The following MACROH2A1 variants were observed in gnomAD, a reference collection of about 807,000 sequenced individuals.
MACROH2A1 encodes the protein core histone macro-H2A.1.
MACROH2A1 carries 2 observed loss-of-function variants against 31.6 expected under a neutral mutation model. The observed-to-expected ratio is 0.06, with a 90% confidence interval of 0.03 to 0.20. The LOEUF (loss-of-function observed/expected upper bound fraction) is 0.20. Ranked by LOEUF, MACROH2A1 falls within the 10% of genes least tolerant of loss-of-function variation. The pLI is 1.00. For synonymous variants in MACROH2A1, 169 were observed against 189.6 expected (o/e 0.89, Z 0.89); for missense variants, 230 against 474.0 (o/e 0.49, Z 4.78).
chr5:135,366,119 C>G (rs1235234487), intron 4 of MACROH2A1, among the ~76,000 whole-genome samples: 1 of 152,186 alleles, frequency 6.6e-6, no homozygotes, highest in African/African-American at 2.4e-5. Context: ...TGAAGAGGTG[C>G]CTTTTGCCAT....
chr5:135,337,770 G>A (rs1168325572), intron 8 of MACROH2A1, among the ~76,000 whole-genome samples: 3 of 152,210 alleles, frequency 2.0e-5, no homozygotes, highest in Non-Finnish European at 2.9e-5. Flanking sequence ...TTTTAGACTT[G>A]CAGTGCCCAC....
At chr5:135,392,147 C>T (rs1197181255) in intron 1 of MACROH2A1, among the ~76,000 whole-genome samples, 2 of 152,224 alleles carry the variant, frequency 1.3e-5, no homozygotes, top group African/African-American at 4.8e-5. Context: ...CACAGCCTCC[C>T]TCTGCCATGG....
In MACROH2A1 at chr5:135,338,106, C is replaced by T. The variant is rs1759114374; in HGVS notation, c.954-2965G>A. The T allele has an allele frequency of 6.7e-6, 4 of 598,806 alleles. No individual in the cohort carries two copies. In the South Asian group the frequency reaches 1.5e-4, roughly 22 times the overall value. The allele number at this position is 598,806 out of a possible 1,614,324, so 37.1% of individuals were successfully genotyped here. On this transcript the variant is annotated intron_variant, in intron 8 of 8. Coordinates refer to ENST00000511689, the MANE Select transcript of MACROH2A1 (RefSeq NM_138610.3). ...CAAAATGGAATGTGTAGGTGGATGCCCTGCAAGAGCACTCCACACACAGCC... is the reference window on the plus strand; with the variant it reads ...CAAAATGGAATGTGTAGGTGGATGCTCTGCAAGAGCACTCCACACACAGCC...
At chr5:135,384,626 G>A (rs1375912831) in intron 2 of MACROH2A1, among the ~76,000 whole-genome samples, 1 of 152,130 alleles carries the variant, frequency 6.6e-6, no homozygotes, top group Non-Finnish European at 1.5e-5. Context: ...TGAAGGCTCT[G>A]GTCATTGACA....
chr5:135,380,446 A>G (rs1241799760), intron 2 of MACROH2A1, among the ~76,000 whole-genome samples: 1 of 152,236 alleles, frequency 6.6e-6, no homozygotes, highest in Non-Finnish European at 1.5e-5. Context: ...GTGATTAAGG[A>G]TGGCAGTGAA....
intron 6 of MACROH2A1, among the ~76,000 whole-genome samples, chr5:135,352,196 C>T (rs922389738): frequency 1.9e-4 from 29 of 152,332 alleles, no homozygotes; most frequent in Admixed American, 3.3e-4. Context: ...GCCTCTACAT[C>T]GAAGAGCAGC....
At chr5:135,397,030 C>G (rs1168349040) in intron 1 of MACROH2A1, among the ~76,000 whole-genome samples, 1 of 152,102 alleles carries the variant, frequency 6.6e-6, no homozygotes, top group Non-Finnish European at 1.5e-5. Context: ...GAATGGGGCT[C>G]TGAAAAGGCT....
chr5:135,344,487 C>A (rs1347622137), intron 7 of MACROH2A1: 1 of 152,096 alleles, frequency 6.6e-6, no homozygotes, highest in Non-Finnish European at 1.5e-5. Context: ...GTGGAAACAG[C>A]TCAGTCACAG....
chr5:135,345,687 T>C (rs1365392096), intron 7 of MACROH2A1: 1 of 372,626 alleles, frequency 2.7e-6, no homozygotes, highest in East Asian at 4.9e-5. Flanking sequence ...AGCTCTTAGA[T>C]GTACCAAACT....
At chr5:135,360,708 G>C in intron 4 of MACROH2A1, 101 bp from the exon 5 acceptor site, 2 of 834,636 alleles carry the variant, frequency 2.4e-6, no homozygotes, top group Non-Finnish European at 4.1e-6. Flanking sequence ...AGGGGAAACA[G>C]GAAACTAAAC....
intron 1 of MACROH2A1, among the ~76,000 whole-genome samples, chr5:135,396,204 T>C (rs1031152195): frequency 3.9e-5 from 6 of 152,234 alleles, no homozygotes; most frequent in African/African-American, 1.4e-4. Context: ...TGCCAAACTC[T>C]TAAGATAACC....
rs1758391762 is a variant in MACROH2A1 at position 135,334,877 on chromosome 5, GA to G, written c.*98del. ...TCCCTAGATGAGCAAAACTGAAAAT[GA>G]AAGGGGTCCCACCTCCCAGTAGGAG... On this transcript the variant is annotated 3_prime_UTR_variant, in exon 9 of 9. Coordinates refer to ENST00000511689, the MANE Select transcript of MACROH2A1 (RefSeq NM_138610.3). The G allele has an allele frequency of 7.0e-6, 7 of 1,001,634 alleles. No homozygotes were observed. Among genetic ancestry groups the G allele is most frequent in the Non-Finnish European group, 1.0e-5 (7 of 667,332 alleles). 62.0% of individuals were successfully genotyped at this position (1,001,634 alleles called of 1,614,324 possible). A position where few individuals can be genotyped will look rare whatever the true frequency, so the allele number is the denominator to read the frequency against.
chr5:135,362,343 G>A (rs1695091712), intron 4 of MACROH2A1: 2 of 152,216 alleles, frequency 1.3e-5, no homozygotes, highest in Admixed American at 1.3e-4. Context: ...AGAACTCTCT[G>A]TACTATCTTT....
chr5:135,347,825 T>A (rs890248213), intron 6 of MACROH2A1, among the ~76,000 whole-genome samples: 1 of 152,214 alleles, frequency 6.6e-6, no homozygotes, highest in Non-Finnish European at 1.5e-5. Flanking sequence ...ATTCTCCAGC[T>A]TGAGGCAGGG....
chr5:135,353,077 A>G (rs759023507), intron 5 of MACROH2A1, 32 bp from the exon 6 acceptor site: 4 of 1,365,606 alleles, frequency 2.9e-6, no homozygotes, highest in Middle Eastern at 1.8e-4. Flanking sequence ...GGGAAATAAC[A>G]GGAGAGCTGG....
At chr5:135,361,092 C>A in intron 4 of MACROH2A1, 2 of 277,614 alleles carry the variant, frequency 7.2e-6, no homozygotes, top group African/African-American at 2.3e-5. Context: ...TTCCTTAAAG[C>A]CAGTGTTAGA....
rs569245429 is a variant in MACROH2A1, at chr5:135,336,092, T to G, written c.954-951A>C. 2.6e-5 allele frequency among the ~76,000 whole-genome samples: 4 copies of G among 152,326 alleles called. No homozygotes were observed. The East Asian group carries it at 7.7e-4, about 29-fold the overall frequency. ...GATCCGCCTGAGCCTGTGGGCGTGTTGGTGTCCAAAGCGCTGGGCCAACCC... is the reference window on the plus strand; with the variant it reads ...GATCCGCCTGAGCCTGTGGGCGTGTGGGTGTCCAAAGCGCTGGGCCAACCC... On this transcript the variant is annotated intron_variant, in intron 8 of 8. Transcript: ENST00000511689.
intron 4 of MACROH2A1, chr5:135,360,853 C>T (rs931564987): frequency 1.5e-5 from 10 of 658,334 alleles, no homozygotes; most frequent in African/African-American, 1.4e-4. Flanking sequence ...AAAGGTAAAA[C>T]TTCACTTTAC....
intron 2 of MACROH2A1, among the ~76,000 whole-genome samples, chr5:135,383,702 TGTG>T (rs941054573): frequency 1.4e-5 from 1 of 73,350 alleles, no homozygotes; most frequent in African/African-American, 9.3e-5. Flanking sequence ...TGTGGTGTGG[TGTG>T]TGTGTGTGTG....
Sources: allele counts gnomAD v4.1 joint callset (sites outside exome capture counted in the v4.1 genomes callset), GRCh38; gene constraint gnomAD v4.1.1; transcripts MANE v1.5; gene names NCBI Gene and HGNC (gene_info 2026-07-23, HGNC 2026-07-21).